KDM2A: variants seen among roughly 807,000 people sequenced by gnomAD.
The protein encoded by KDM2A is lysine-specific demethylase 2A.
KDM2A carries 3 observed loss-of-function variants against 137.3 expected under a neutral mutation model. The observed-to-expected ratio is 0.02, with a 90% CI of 0.01 to 0.06. The LOEUF (loss-of-function observed/expected upper bound fraction) is 0.06. Ranked by LOEUF, KDM2A falls within the 10% of genes least tolerant of loss-of-function variation. The pLI is 1.00. For synonymous variants in KDM2A, 512 were observed against 541.5 expected (o/e 0.95, Z 0.76); for missense variants, 738 against 1,510.6 (o/e 0.49, Z 8.48).
chr11:67,254,903 A>G lies in KDM2A; in HGVS notation c.3337A>G (p.Ile1113Val). 6.2e-7 allele frequency: 1 copy of G among 1,614,008 alleles called. No individual in the cohort carries two copies. Among genetic ancestry groups the G allele is most frequent in the Non-Finnish European group, 8.5e-7 (1 of 1,179,874 alleles). ...GCNKLTDQTL[I>V]YLRRIANVTL... The stretch of plus-strand genomic sequence containing the variant: ...CAATAAATTGACAGACCAGACCCTG[A>G]TCTACCTACGGCGCATTGCCAACGT... The change falls in exon 21 of 21, where the codon ATC (isoleucine) becomes GTC (valine). Residue 1113 changes from isoleucine to valine, a missense_variant. Ile to Val is a conservative substitution (Grantham distance 29). Transcript: ENST00000529006. The surrounding 1 kb of genome is among the most constrained non-coding windows in gnomAD (Gnocchi z 4.7).
chr11:67,230,566 C>A (rs757927887), intron 11 of KDM2A, among the ~76,000 whole-genome samples: 6 of 151,532 alleles, frequency 4.0e-5, no homozygotes, highest in Admixed American at 3.9e-4. Flanking sequence ...GTTGAGGCTG[C>A]AGTGAGCCAT....
At chr11:67,135,167 C>G (rs541194356) in intron 2 of KDM2A, among the ~76,000 whole-genome samples, 12 of 152,030 alleles carry the variant, frequency 7.9e-5, no homozygotes, top group African/African-American at 2.9e-4. Flanking sequence ...CTTCTGGGTT[C>G]AAGCGATTCT....
At chr11:67,243,125 C>A in intron 13 of KDM2A, 33 bp downstream of exon 13, 1 of 1,497,108 alleles carries the variant, frequency 6.7e-7, no homozygotes, top group Non-Finnish European at 9.3e-7. Context: ...CTTTAGGCTG[C>A]TTAAGCCTTT....
Position 67,250,142 on chromosome 11 carries a change from C to G in KDM2A, c.2112C>G (p.Pro704=). The G allele has an allele frequency of 6.2e-7, 1 of 1,612,794 alleles. No individual in the cohort carries two copies. The highest frequency in any genetic ancestry group is 8.5e-7 in the Non-Finnish European group (1 of 1,179,308). Residue 704 remains proline (P), a synonymous_variant, in exon 17 of 21, where the codon CCC becomes CCG. Transcript: ENST00000529006. This position sits in a 1 kb window ranked among gnomAD's most constrained non-coding sequence, Gnocchi z 7.1. ...EEAVQAKVLR[P]LRSCDEPLTP... ...CTGTGCAAGCCAAAGTCCTGCGGCC[C>G]CTGCGGAGCTGCGATGAGCCTCTCA...
In KDM2A at chr11:67,232,372, T is replaced by C. The variant is rs143054801; in HGVS notation, c.1479+412T>C. On this transcript the variant is annotated intron_variant, in intron 12 of 20. Transcript: ENST00000529006. Reference sequence around the variant, plus strand: ...GAAATTGTTCTATGCTGGGTTAACGTTGAGTAGCTTTAGCCTCTTTAGATT... The same window carrying C: ...GAAATTGTTCTATGCTGGGTTAACGCTGAGTAGCTTTAGCCTCTTTAGATT... Among the ~76,000 whole-genome samples the C allele has an allele frequency of 1.3e-4, 20 of 152,366 alleles. No individual in the cohort carries two copies. In the East Asian group the frequency reaches 3.3e-3, roughly 25 times the overall value.
chr11:67,239,358 G>A (rs550307871), intron 12 of KDM2A, among the ~76,000 whole-genome samples: 2 of 152,290 alleles, frequency 1.3e-5, no homozygotes, highest in African/African-American at 4.8e-5. Context: ...TACTGTGGGG[G>A]TGGAGTCCTT....
At chr11:67,144,445 T>C (rs1012840005) in intron 2 of KDM2A, among the ~76,000 whole-genome samples, 7 of 151,468 alleles carry the variant, frequency 4.6e-5, no homozygotes, top group African/African-American at 1.7e-4. Context: ...AGAGTTGGGG[T>C]TTCTCCATGT....
chr11:67,147,483 A>G (rs749463357), intron 2 of KDM2A, among the ~76,000 whole-genome samples: 5 of 151,196 alleles, frequency 3.3e-5, no homozygotes, highest in Non-Finnish European at 2.9e-5. Context: ...TGGAGCTTGC[A>G]GTGAGCCGAG....
At chr11:67,120,235 G>T (rs773793978) in intron 1 of KDM2A, among the ~76,000 whole-genome samples, 186 bp downstream of exon 1, 1 of 152,182 alleles carries the variant, frequency 6.6e-6, no homozygotes, top group Non-Finnish European at 1.5e-5. Context: ...GGCGGTCGTC[G>T]CCCAGGGGGT....
At chr11:67,125,122 A>G (rs760862845) in intron 2 of KDM2A, among the ~76,000 whole-genome samples, 6 of 151,498 alleles carry the variant, frequency 4.0e-5, no homozygotes, top group Non-Finnish European at 7.4e-5. Flanking sequence ...CGGCCTCCCA[A>G]AGTGCTGGGA....
intron 2 of KDM2A, among the ~76,000 whole-genome samples, chr11:67,124,614 CTTTTTT>C (rs34517858): frequency 8.9e-6 from 1 of 112,688 alleles, no homozygotes; most frequent in African/African-American, 3.2e-5. Context: ...GCCTGGCCCA[CTTTTTT>C]TTTTTTTTTT....
intron 2 of KDM2A, among the ~76,000 whole-genome samples, chr11:67,171,240 C>T (rs1856876797): frequency 6.6e-6 from 1 of 152,196 alleles, no homozygotes; most frequent in Non-Finnish European, 1.5e-5. Context: ...AAGAGAGCTA[C>T]TTGCCAACCC....
intron 2 of KDM2A, among the ~76,000 whole-genome samples, chr11:67,122,667 A>G (rs904246979): frequency 6.9e-6 from 1 of 144,768 alleles, no homozygotes; most frequent in African/African-American, 2.6e-5. Flanking sequence ...TTATTTATTT[A>G]TTTATTTATT....
At chr11:67,220,616 T>C (rs557497212) in intron 10 of KDM2A, among the ~76,000 whole-genome samples, 1 of 152,296 alleles carries the variant, frequency 6.6e-6, no homozygotes, top group Non-Finnish European at 1.5e-5. Context: ...AATACCCTTC[T>C]AGATGCATAG....
At position 67,229,851 on chromosome 11, in the gene KDM2A, C is replaced by G. The variant is rs371410820; in HGVS notation, c.1084+1688C>G. On this transcript the variant is annotated intron_variant, in intron 11 of 20. Transcript: ENST00000529006. ...CGCCACTGCACTCCAGCTTGGGCGA[C>G]AGAGTGAGACTCCGTCTCAAAAAGA... Among the ~76,000 whole-genome samples, 10 of 148,020 alleles carry G rather than the reference C, an allele frequency of 6.8e-5. 1 individual carries two copies. The South Asian group carries it at 1.3e-3, about 19-fold the overall frequency.
chr11:67,179,217 C>T (rs1342594275), intron 2 of KDM2A, among the ~76,000 whole-genome samples: 1 of 152,082 alleles, frequency 6.6e-6, no homozygotes, highest in Non-Finnish European at 1.5e-5. Flanking sequence ...GACATGTTAT[C>T]TTTAAAACTA....
chr11:67,174,390 C>G (rs1856937484), intron 2 of KDM2A, among the ~76,000 whole-genome samples: 1 of 152,182 alleles, frequency 6.6e-6, no homozygotes, highest in African/African-American at 2.4e-5. Flanking sequence ...CAACTCTTAC[C>G]TGCTTTTTTA....
At chr11:67,145,952 G>A (rs1217978050) in intron 2 of KDM2A, among the ~76,000 whole-genome samples, 2 of 145,200 alleles carry the variant, frequency 1.4e-5, no homozygotes, top group East Asian at 2.0e-4. Flanking sequence ...TCTGTTTCTG[G>A]TATATAAAAT....
chr11:67,182,899 C>T (rs953969302), intron 5 of KDM2A, among the ~76,000 whole-genome samples: 4 of 152,186 alleles, frequency 2.6e-5, no homozygotes, highest in Non-Finnish European at 4.4e-5. Context: ...AATTTTCTTC[C>T]TAGCACTAGA....
Sources: allele counts gnomAD v4.1 joint callset (sites outside exome capture counted in the v4.1 genomes callset), GRCh38; gene constraint gnomAD v4.1.1; non-coding constraint Gnocchi (gnomAD v3.1); transcripts MANE v1.5; gene names NCBI Gene and HGNC (gene_info 2026-07-23, HGNC 2026-07-21).